The following TTC23 variants were observed in gnomAD, a reference collection of about 807,000 sequenced individuals.
TTC23 encodes tetratricopeptide repeat domain 23, also known as tetratricopeptide repeat protein 23.
A neutral mutation model predicts 55.1 loss-of-function variants in TTC23; 58 were observed. That is an observed-to-expected ratio of 1.05 (90% CI 0.85 to 1.31). The LOEUF (loss-of-function observed/expected upper bound fraction) is 1.31. TTC23 is among the 50% of genes most tolerant of loss of function. The probability of loss-of-function intolerance (pLI) is 0.00; values close to 1 mark genes in which losing one functional copy is unlikely to be tolerated. For synonymous variants in TTC23, 203 were observed against 199.9 expected, an observed-to-expected ratio of 1.02 and a Z score of -0.13; for missense variants, 516 against 534.4, an observed-to-expected ratio of 0.97 and a Z score of 0.34.
chr15:99,144,802 T>C (rs2068638410), intron 12 of TTC23: 1 of 152,242 alleles, frequency 6.6e-6, no homozygotes, highest in South Asian at 2.1e-4. Context: ...ATTGCTCTAA[T>C]GCTGAGGATC....
intron 9 of TTC23, among the ~76,000 whole-genome samples, chr15:99,187,897 T>C (rs969944861): frequency 1.3e-5 from 2 of 152,068 alleles, no homozygotes; most frequent in Non-Finnish European, 2.9e-5. Flanking sequence ...TTGGTGGGAA[T>C]GTAAAATAGT....
chr15:99,246,745 C>T (rs575950160), intron 1 of TTC23, among the ~76,000 whole-genome samples: 4 of 151,876 alleles, frequency 2.6e-5, no homozygotes, highest in Non-Finnish European at 5.9e-5. Context: ...ATGGTGAAGC[C>T]CCGTCTCTAC....
chr15:99,206,782 A>T, intron 8 of TTC23, among the ~76,000 whole-genome samples: 1 of 151,746 alleles, frequency 6.6e-6, no homozygotes, highest in Non-Finnish European at 1.5e-5. Context: ...TCATCTTTTG[A>T]ATTTTTTTAG....
At chr15:99,165,151 G>A (rs759379493) in intron 10 of TTC23, among the ~76,000 whole-genome samples, 2 of 152,178 alleles carry the variant, frequency 1.3e-5, no homozygotes, top group African/African-American at 2.4e-5. Context: ...CCCATACTAG[G>A]CTGAAATAGC....
intron 12 of TTC23, among the ~76,000 whole-genome samples, chr15:99,143,445 G>T (rs2068472371): frequency 6.6e-6 from 1 of 152,184 alleles, no homozygotes; most frequent in African/African-American, 2.4e-5. Context: ...GCTAAGTAAA[G>T]AACTCGCCAA....
chr15:99,199,736 C>T (rs1873218595), intron 9 of TTC23, among the ~76,000 whole-genome samples, 183 bp downstream of exon 9: 1 of 152,184 alleles, frequency 6.6e-6, no homozygotes, highest in African/African-American at 2.4e-5. Flanking sequence ...GGGACAAGTA[C>T]CAGCACTTGC....
chr15:99,219,318 T>C (rs1021233273), intron 6 of TTC23, among the ~76,000 whole-genome samples: 2 of 152,134 alleles, frequency 1.3e-5, no homozygotes, highest in Non-Finnish European at 2.9e-5. Context: ...ACCTCACCAA[T>C]AGCAGAAGCA....
intron 9 of TTC23, among the ~76,000 whole-genome samples, chr15:99,178,913 T>G (rs2073859668): frequency 6.6e-6 from 1 of 151,848 alleles, no homozygotes; most frequent in Non-Finnish European, 1.5e-5. Flanking sequence ...TGTAGGGAAA[T>G]GAGCGGTGGG....
At chr15:99,147,279 G>A (rs868984738) in intron 12 of TTC23, among the ~76,000 whole-genome samples, 13 of 139,184 alleles carry the variant, frequency 9.3e-5, no homozygotes, top group African/African-American at 3.3e-4. Context: ...AGGCTGGAGT[G>A]CAGCGGCGCG....
chr15:99,174,216 G>A (rs1424888815), intron 10 of TTC23, among the ~76,000 whole-genome samples: 1 of 152,080 alleles, frequency 6.6e-6, no homozygotes, highest in Non-Finnish European at 1.5e-5. Context: ...CTCCCTGCCT[G>A]GCCCATGGAT....
chr15:99,137,774 A>G lies in TTC23; in HGVS notation c.*236T>C. On this transcript the variant is annotated 3_prime_UTR_variant, in exon 14 of 14. Coordinates refer to ENST00000394132, the MANE Select transcript of TTC23 (RefSeq NM_001288615.3). ...GGGTAAAAATTCTTGTTGGCAAGAA[A>G]AACCACTTAGGTGATAGAAAACTGC... 1.7e-6 allele frequency: 1 copy of G among 585,076 alleles called. No individual in the cohort carries two copies. The highest frequency in any genetic ancestry group is 2.8e-6 in the Non-Finnish European group (1 of 353,490). The allele number at this position is 585,076 out of a possible 1,614,324, so 36.2% of individuals were successfully genotyped here. A position where few individuals can be genotyped will look rare whatever the true frequency, so the allele number is the denominator to read the frequency against.
intron 10 of TTC23, among the ~76,000 whole-genome samples, chr15:99,174,559 C>T (rs1317569972): frequency 1.3e-5 from 2 of 151,884 alleles, no homozygotes; most frequent in Non-Finnish European, 2.9e-5. Context: ...AAGCTTGATG[C>T]TCTACCTATT....
intron 12 of TTC23, among the ~76,000 whole-genome samples, chr15:99,151,614 G>C (rs1256829582): frequency 2.0e-5 from 3 of 152,206 alleles, no homozygotes; most frequent in Non-Finnish European, 4.4e-5. Context: ...GAAACCACAA[G>C]ACAATAGATG....
At position 99,199,986 on chromosome 15, in the gene TTC23, A is replaced by G; in HGVS notation, c.692T>C (p.Leu231Ser). 6.2e-7 allele frequency: 1 copy of G among 1,613,834 alleles called. No individual in the cohort carries two copies. Among genetic ancestry groups the G allele is most frequent in the Non-Finnish European group, 8.5e-7 (1 of 1,179,816 alleles). Residue 231 changes from leucine (L) to serine (S), a missense_variant, in exon 9 of 14, where the codon TTG becomes TCG. Physicochemically the swap from Leu to Ser is moderately radical, Grantham distance 145. Transcript: ENST00000394132. ...GETSRECVPI[L>S]RELAGVEQAL... ...TTGCTCTACACCTGCTAATTCTCTC[A>G]ATATGGGTACACACTCACGACTTGT... is the stretch of plus-strand genomic sequence containing the variant.
chr15:99,169,307 G>C (rs2072587716), intron 10 of TTC23, among the ~76,000 whole-genome samples: 1 of 152,080 alleles, frequency 6.6e-6, no homozygotes, highest in Admixed American at 6.5e-5. Context: ...AGTCTGAAGG[G>C]AGACAGGCAA....
intron 10 of TTC23, among the ~76,000 whole-genome samples, chr15:99,166,769 T>G (rs1225717929): frequency 2.0e-5 from 3 of 152,132 alleles, no homozygotes; most frequent in African/African-American, 7.2e-5. Context: ...CACAGGGGGA[T>G]AAGGCCAGAT....
intron 5 of TTC23, 24 bp from the exon 6 acceptor site, chr15:99,221,888 T>C (rs1315544863): frequency 6.2e-7 from 1 of 1,612,072 alleles, no homozygotes; most frequent in Non-Finnish European, 8.5e-7. Flanking sequence ...AAAACAGGCT[T>C]ACCAGTTATA....
intron 1 of TTC23, chr15:99,248,390 G>A (rs1367937170): frequency 6.6e-6 from 1 of 152,134 alleles, no homozygotes; most frequent in Non-Finnish European, 1.5e-5. Flanking sequence ...TTTAAAATTT[G>A]TAACCAAAGT....
chr15:99,250,955 G>C (rs1010901026), upstream of TTC23, among the ~76,000 whole-genome samples: 1 of 152,158 alleles, frequency 6.6e-6, no homozygotes, highest in Admixed American at 6.5e-5. Flanking sequence ...GGCGCTGTTA[G>C]TCCCTGTGTC....
Sources: gnomAD v4.1 joint callset for allele counts (sites outside exome capture counted in the v4.1 genomes callset) on GRCh38, gnomAD v4.1.1 for gene constraint, MANE v1.5 for transcripts, NCBI Gene and HGNC (gene_info 2026-07-23, HGNC 2026-07-21) for gene names.